The following ST6GALNAC3 variants were observed in gnomAD, a reference collection of about 807,000 sequenced individuals.
The protein encoded by ST6GALNAC3 is alpha-N-acetylgalactosaminide alpha-2,6-sialyltransferase 3.
A neutral mutation model predicts 32.7 loss-of-function variants in ST6GALNAC3; 25 were observed. The observed-to-expected ratio is 0.76, with a 90% confidence interval of 0.56 to 1.07. The LOEUF is 1.07. Among genes scored for constraint, ST6GALNAC3 ranks in the 50% least tolerant of loss-of-function variants. The probability of loss-of-function intolerance (pLI) is 0.00; values close to 1 mark genes in which losing one functional copy is unlikely to be tolerated. For synonymous variants in ST6GALNAC3, 129 were observed against 133.1 expected (o/e 0.97, Z 0.21); for missense variants, 355 against 382.4 (o/e 0.93, Z 0.60).
chr1:76,130,785 G>T (rs1649559221), intron 1 of ST6GALNAC3, among the ~76,000 whole-genome samples: 2 of 152,208 alleles, frequency 1.3e-5, no homozygotes, highest in Non-Finnish European at 2.9e-5. Context: ...TGTGTATTGG[G>T]CAGCAGCTTC....
At chr1:76,586,606 A>C (rs539546387) in intron 3 of ST6GALNAC3, among the ~76,000 whole-genome samples, 1 of 152,364 alleles carries the variant, frequency 6.6e-6, no homozygotes, top group Non-Finnish European at 1.5e-5. Flanking sequence ...CTCAGGTTAA[A>C]GTAAGGATTT....
At chr1:76,086,482 CTG>C (rs1047662943) in intron 1 of ST6GALNAC3, among the ~76,000 whole-genome samples, 1 of 152,190 alleles carries the variant, frequency 6.6e-6, no homozygotes, top group African/African-American at 2.4e-5. Flanking sequence ...GGAAATTACT[CTG>C]TAAGTTTTCC....
At chr1:76,251,902 A>G (rs1287778726) in intron 1 of ST6GALNAC3, among the ~76,000 whole-genome samples, 2 of 152,146 alleles carry the variant, frequency 1.3e-5, no homozygotes, top group African/African-American at 4.8e-5. Context: ...CGCTCCTTAA[A>G]GGGCCTAAGG....
chr1:76,342,389 A>C (rs192555309), intron 2 of ST6GALNAC3, among the ~76,000 whole-genome samples: 42 of 152,104 alleles, frequency 2.8e-4, no homozygotes, highest in African/African-American at 9.6e-4. Context: ...CTGACTTTTT[A>C]ATGATCGCCA....
At chr1:76,148,731 C>T (rs899745436) in intron 1 of ST6GALNAC3, among the ~76,000 whole-genome samples, 3 of 152,222 alleles carry the variant, frequency 2.0e-5, no homozygotes, top group African/African-American at 7.2e-5. Context: ...CAGTGGAGGC[C>T]AGACAGTAAC....
intron 3 of ST6GALNAC3, among the ~76,000 whole-genome samples, chr1:76,544,640 G>A (rs1664182268): frequency 6.6e-6 from 1 of 152,142 alleles, no homozygotes; most frequent in Non-Finnish European, 1.5e-5. Context: ...AGGGGAGGAA[G>A]GGGGAATCAG....
Position 76,465,119 on chromosome 1 carries a change from C to T in ST6GALNAC3, c.623+52702C>T, listed in dbSNP as rs189166668. Among the ~76,000 whole-genome samples, 591 of 152,272 alleles carry T rather than the reference C, an allele frequency of 3.9e-3. 4 individuals carry two copies. The highest frequency in any genetic ancestry group is 0.013 in the African/African-American group (560 of 41,570). ...GGGAAAAGGAGGAAGAATAAATGAACAGCATATGAGCAAAGGACCTGGGGA... is the reference window on the plus strand; with the variant it reads ...GGGAAAAGGAGGAAGAATAAATGAATAGCATATGAGCAAAGGACCTGGGGA... On this transcript the variant is annotated intron_variant, in intron 3 of 4. Transcript: ENST00000328299.
At position 76,536,002 on chromosome 1, in the gene ST6GALNAC3, T is replaced by C. The variant is rs1389381190; in HGVS notation, c.624-91450T>C. On this transcript the variant is annotated intron_variant, in intron 3 of 4. Transcript: ENST00000328299. ...AAATCTTAATCAAACATCATTTCAG[T>C]TTAATGCTTTTACATGCAAAATTCA... is the stretch of plus-strand genomic sequence containing the variant. Among the ~76,000 whole-genome samples, 3 of 152,268 alleles carry C rather than the reference T, an allele frequency of 2.0e-5. No homozygotes were observed. The South Asian group carries it at 6.2e-4, about 32-fold the overall frequency.
At chr1:76,540,228 C>A (rs935219585) in intron 3 of ST6GALNAC3, among the ~76,000 whole-genome samples, 2 of 152,052 alleles carry the variant, frequency 1.3e-5, no homozygotes, top group African/African-American at 2.4e-5. Flanking sequence ...AAGCTGGAAG[C>A]CTTCATCTCC....
chr1:76,202,748 T>C (rs2100545963), intron 1 of ST6GALNAC3, among the ~76,000 whole-genome samples: 1 of 152,310 alleles, frequency 6.6e-6, no homozygotes. Context: ...TCTTAAAAAA[T>C]GCAAGCAAGT....
At chr1:76,419,045 G>GCGCACA (rs1553194441) in intron 3 of ST6GALNAC3, among the ~76,000 whole-genome samples, 1 of 148,870 alleles carries the variant, frequency 6.7e-6, no homozygotes, top group Non-Finnish European at 1.5e-5. Flanking sequence ...ACCCTCATGT[G>GCGCACA]CACACACACA....
rs138564200 is a variant in ST6GALNAC3 at position 76,190,613 on chromosome 1, C to G, written c.18+115729C>G. 1.3e-3 allele frequency among the ~76,000 whole-genome samples: 201 copies of G among 152,204 alleles called. 1 individual carries two copies. The highest frequency in any genetic ancestry group is 4.7e-3 in the African/African-American group (195 of 41,540). ...ACATGGGCTTCAAGAATTTAATTTA[C>G]CCGTGTTGATCAGATGTGTAAAATA... On this transcript the variant is annotated intron_variant, in intron 1 of 4. Transcript: ENST00000328299.
intron 3 of ST6GALNAC3, among the ~76,000 whole-genome samples, chr1:76,442,470 G>A (rs1167275043): frequency 1.3e-5 from 2 of 152,162 alleles, no homozygotes; most frequent in Non-Finnish European, 2.9e-5. Flanking sequence ...ACAGTTCAGA[G>A]GTGATTGTAC....
chr1:76,232,106 C>T (rs1405658224), intron 1 of ST6GALNAC3, among the ~76,000 whole-genome samples: 1 of 152,180 alleles, frequency 6.6e-6, no homozygotes, highest in Non-Finnish European at 1.5e-5. Flanking sequence ...GTACCAGAAC[C>T]TCACTCTGCG....
At chr1:76,131,766 A>G (rs1281261493) in intron 1 of ST6GALNAC3, among the ~76,000 whole-genome samples, 1 of 152,162 alleles carries the variant, frequency 6.6e-6, no homozygotes, top group Non-Finnish European at 1.5e-5. Flanking sequence ...TCTTTCCACA[A>G]TGGATAGGGG....
chr1:76,113,364 G>GGGGGAT (rs1445929759), intron 1 of ST6GALNAC3, among the ~76,000 whole-genome samples: 1 of 144,968 alleles, frequency 6.9e-6, no homozygotes, highest in Non-Finnish European at 1.5e-5. Context: ...GGGAGGGGGA[G>GGGGGAT]GGGGAGGCCA....
At chr1:76,393,808 C>T (rs1378318037) in intron 2 of ST6GALNAC3, among the ~76,000 whole-genome samples, 1 of 152,008 alleles carries the variant, frequency 6.6e-6, no homozygotes, top group Non-Finnish European at 1.5e-5. Flanking sequence ...AAGTGTGGAT[C>T]CTGGTAACAA....
At chr1:76,103,902 A>T (rs1045861467) in intron 1 of ST6GALNAC3, among the ~76,000 whole-genome samples, 2 of 152,234 alleles carry the variant, frequency 1.3e-5, no homozygotes, top group Non-Finnish European at 2.9e-5. Flanking sequence ...ATTCAGTCAC[A>T]TCTTTTTCCA....
At chr1:76,192,167 T>G (rs2631794) in intron 1 of ST6GALNAC3, among the ~76,000 whole-genome samples, 107,833 of 152,084 alleles carry the variant, frequency 0.71, 39,913 homozygotes, top group East Asian at 0.95. Flanking sequence ...AATATAATAC[T>G]GATATAAAAT....
Sources: allele counts gnomAD v4.1 joint callset (sites outside exome capture counted in the v4.1 genomes callset), GRCh38; gene constraint gnomAD v4.1.1; transcripts MANE v1.5; gene names NCBI Gene and HGNC (gene_info 2026-07-23, HGNC 2026-07-21).